CELSR2: variants seen among roughly 807,000 people sequenced by gnomAD.
CELSR2 encodes the protein EGF-like protein 2.
A neutral mutation model predicts 251.6 loss-of-function variants in CELSR2; 81 were observed. That is an observed-to-expected ratio of 0.32 (90% CI 0.27 to 0.39). The LOEUF (loss-of-function observed/expected upper bound fraction) is 0.39. Among genes scored for constraint, CELSR2 ranks in the 10% least tolerant of loss-of-function variants. The pLI, the probability that CELSR2 is intolerant of heterozygous loss-of-function variation, is 1.00. For missense variants in CELSR2, 3,365 were observed against 3,947.7 expected (o/e 0.85, Z 3.96); for synonymous variants, 1,721 against 1,670.5 (o/e 1.03, Z -0.74).
At chr1:109,255,733 C>T (rs1655825441) in intron 1 of CELSR2, among the ~76,000 whole-genome samples, 1 of 152,252 alleles carries the variant, frequency 6.6e-6, no homozygotes, top group South Asian at 2.1e-4. Flanking sequence ...AGGCAACGTA[C>T]TCCCCACCCC....
Position 109,265,793 on chromosome 1 carries a change from C to G in CELSR2, c.5786C>G (p.Thr1929Arg), listed in dbSNP as rs562750635. 1.1e-5 allele frequency: 17 copies of G among 1,614,106 alleles called. No homozygotes were observed. Among genetic ancestry groups the G allele is most frequent in the Middle Eastern group, 1.7e-4 (1 of 6,058 alleles). The change falls in exon 14 of 34, where the codon ACA becomes AGA. Residue 1929 changes from threonine to arginine, a missense_variant. Physicochemically the swap from Thr to Arg is moderately conservative, Grantham distance 71 (BLOSUM62 -1). Transcript: ENST00000271332. Reference protein sequence around the residue: ...PTCLLCDCYPTGSLSRVCDPE... With the variant: ...PTCLLCDCYPRGSLSRVCDPE... ...TGCCTCTTGTGTGACTGCTACCCCA[C>G]AGGCTCCTTGTCCAGAGTCTGTGAC...
At position 109,264,595 on chromosome 1, in the gene CELSR2, G is replaced by A. The variant is rs547223441; in HGVS notation, c.5431G>A (p.Asp1811Asn). 1.4e-5 allele frequency: 23 copies of A among 1,613,734 alleles called. No individual in the cohort carries two copies. The highest frequency in any genetic ancestry group is 5.5e-5 in the South Asian group (5 of 91,074). ...TCCTGCTAACAGCTATTGCAGCAAC[G>A]ACTGGGACAGCTATTCCTGCAGCTG... ...PCPANSYCSN[D>N]WDSYSCSCDP... The change falls in exon 11 of 34, where the codon GAC (aspartate) becomes AAC (asparagine). Residue 1811 changes from aspartate (D) to asparagine (N), a missense_variant. Physicochemically the swap from Asp to Asn is conservative, Grantham distance 23. Coordinates refer to ENST00000271332, the MANE Select transcript of CELSR2 (RefSeq NM_001408.3).
intron 1 of CELSR2, among the ~76,000 whole-genome samples, chr1:109,256,047 T>C (rs547853752): frequency 2.0e-4 from 31 of 152,234 alleles, no homozygotes; most frequent in Non-Finnish European, 1.0e-4. Context: ...TAATCAGTTA[T>C]GGGCACTGTG....
chr1:109,270,394 G>A (rs375433540), intron 23 of CELSR2, 32 bp from the exon 24 acceptor site: 74 of 1,611,078 alleles, frequency 4.6e-5, no homozygotes, highest in East Asian at 8.9e-5. Context: ...GGCGGGCCCC[G>A]GTCGCTGACC....
At position 109,249,760 on chromosome 1, in the gene CELSR2, C is replaced by G. The variant is rs1557724781; in HGVS notation, c.-320C>G. Among the ~76,000 whole-genome samples the G allele has an allele frequency of 6.7e-6, 1 of 149,470 alleles. No individual in the cohort carries two copies. ...GCACCCCGGCTCCGGAACCCGGGGCCCGGCAAGGCCAGGGGCGCCGCGGGG... is the reference window on the plus strand; with the variant it reads ...GCACCCCGGCTCCGGAACCCGGGGCGCGGCAAGGCCAGGGGCGCCGCGGGG... On this transcript the variant is annotated 5_prime_UTR_variant, in exon 1 of 34. Coordinates refer to ENST00000271332, the MANE Select transcript of CELSR2 (RefSeq NM_001408.3).
At chr1:109,271,358 C>G in intron 26 of CELSR2, 28 bp from the exon 27 acceptor site, 5 of 1,613,402 alleles carry the variant, frequency 3.1e-6, no homozygotes, top group Non-Finnish European at 4.2e-6. Flanking sequence ...GTCTCATGGC[C>G]GGACTCATGG....
At chr1:109,271,140 G>C in intron 25 of CELSR2, 77 bp from the exon 26 acceptor site, 1 of 1,544,914 alleles carries the variant, frequency 6.5e-7, no homozygotes, top group East Asian at 2.2e-5. Context: ...AGGAACAGCT[G>C]AGGCCACGGG....
chr1:109,257,972 C>T (rs543801972), intron 1 of CELSR2, among the ~76,000 whole-genome samples: 6 of 152,176 alleles, frequency 3.9e-5, no homozygotes, highest in South Asian at 2.1e-4. Flanking sequence ...CCCCCACCCC[C>T]GCCAACTCCC....
Position 109,269,654 on chromosome 1 carries a change from T to C in CELSR2, c.6981-40T>C. 6.2e-7 allele frequency: 1 copy of C among 1,613,790 alleles called. No homozygotes were observed. ...CTGAAAGTCCAGGCCCCTGCATGCC[T>C]CACCCTCCTTGTCTCCCTGACCCTG... On this transcript the variant is annotated intron_variant, in intron 21 of 33. Coordinates refer to ENST00000271332, the MANE Select transcript of CELSR2 (RefSeq NM_001408.3). The surrounding 1 kb of genome is among the most constrained non-coding windows in gnomAD (Gnocchi z 6.4).
chr1:109,250,023 G>A lies in CELSR2; in HGVS notation c.-57G>A. The A allele has an allele frequency of 4.7e-6, 6 of 1,274,592 alleles. No individual in the cohort carries two copies. Among genetic ancestry groups the A allele is most frequent in the Non-Finnish European group, 5.9e-6 (6 of 1,017,006 alleles). 79.0% of individuals were successfully genotyped at this position (1,274,592 alleles called of 1,614,324 possible). Reference sequence around the variant, plus strand: ...ATGAGGCGCGGCGGGGCCGGCAGGAGCCGGAGGAGGAGCCGCCGCCGCCGT... The same window carrying A: ...ATGAGGCGCGGCGGGGCCGGCAGGAACCGGAGGAGGAGCCGCCGCCGCCGT... On this transcript the variant is annotated 5_prime_UTR_variant, in exon 1 of 34. Transcript: ENST00000271332. This position sits in a 1 kb window ranked among gnomAD's most constrained non-coding sequence, Gnocchi z 4.4.
intron 5 of CELSR2, 38 bp from the exon 6 acceptor site, chr1:109,262,249 A>G: frequency 6.2e-7 from 1 of 1,607,238 alleles, no homozygotes; most frequent in Non-Finnish European, 8.5e-7. Context: ...TGGGCTCTGT[A>G]CTCAGTGTCC....
In CELSR2 at chr1:109,261,685, C is replaced by A; in HGVS notation, c.4297+57C>A. On this transcript the variant is annotated intron_variant, in intron 4 of 33. Coordinates refer to ENST00000271332, the MANE Select transcript of CELSR2 (RefSeq NM_001408.3). The surrounding 1 kb of genome is among the most constrained non-coding windows in gnomAD (Gnocchi z 4.8). ...CTTCCAAAGGCCCCAAGTCTTCCAG[C>A]CCCTGACCCCAAGCCACATACTCTA... The A allele has an allele frequency of 6.4e-7, 1 of 1,565,430 alleles. No individual in the cohort carries two copies. Among genetic ancestry groups the A allele is most frequent in the Non-Finnish European group, 8.8e-7 (1 of 1,136,744 alleles).
In CELSR2 at chr1:109,270,806, G is replaced by A. The variant is rs967632684; in HGVS notation, c.7484-121G>A. On this transcript the variant is annotated intron_variant, in intron 24 of 33. Transcript: ENST00000271332. Reference sequence around the variant, plus strand: ...TATCCTGGGGAGATCGGTAGGGGCCGATGGTGGGCAGAACCCTTTTCCATG... The same window carrying A: ...TATCCTGGGGAGATCGGTAGGGGCCAATGGTGGGCAGAACCCTTTTCCATG... 112 of 984,932 alleles carry A rather than the reference G, an allele frequency of 1.1e-4. 1 individual carries two copies. Among genetic ancestry groups the A allele is most frequent in the Non-Finnish European group, 2.3e-5 (15 of 651,652 alleles). 61.0% of individuals were successfully genotyped at this position (984,932 alleles called of 1,614,324 possible).
intron 32 of CELSR2, 31 bp from the exon 33 acceptor site, chr1:109,273,405 C>A: frequency 6.2e-7 from 1 of 1,607,360 alleles, no homozygotes; most frequent in East Asian, 2.2e-5. Context: ...TCTCCTGTGG[C>A]CGCACCTCAC....
intron 15 of CELSR2, 147 bp from the exon 16 acceptor site, chr1:109,267,401 C>CAGGAAGA: frequency 1.5e-6 from 1 of 661,784 alleles, no homozygotes; most frequent in Non-Finnish European, 2.5e-6. Flanking sequence ...GTTCTACATA[C>CAGGAAGA]CTGTCTTCCT....
rs756853610 is a variant in CELSR2 at position 109,262,826 on chromosome 1, C to G, written c.4565C>G (p.Pro1522Arg). Reference sequence around the variant, plus strand: ...CCCAGGTCTCTGGATCTGACGGGGCCCCTGCTACTAGGCGGGGTGCCTGAC... The same window carrying G: ...CCCAGGTCTCTGGATCTGACGGGGCGCCTGCTACTAGGCGGGGTGCCTGAC... The part of the protein sequence containing the change: ...GSKKSLDLTG[P>R]LLLGGVPDLP... The change falls in exon 7 of 34, where the codon CCC (proline) becomes CGC (arginine). Residue 1522 changes from proline (P) to arginine (R), a missense_variant. This residue lies in a region of CELSR2 where 2,093 missense variants were observed against 2,382.8 expected (regional missense o/e 0.88). Transcript: ENST00000271332. 6.2e-7 allele frequency: 1 copy of G among 1,613,276 alleles called. No homozygotes were observed. Among genetic ancestry groups the G allele is most frequent in the Non-Finnish European group, 8.5e-7 (1 of 1,179,778 alleles).
rs933488412 is a variant in CELSR2, at chr1:109,274,227, C to T, written c.*178C>T. The T allele has an allele frequency of 1.4e-6, 2 of 1,452,732 alleles. No individual in the cohort carries two copies. Among genetic ancestry groups the T allele is most frequent in the African/African-American group, 2.8e-5 (2 of 70,264 alleles). The allele number at this position is 1,452,732 out of a possible 1,614,324, so 90.0% of individuals were successfully genotyped here. ...GAGGGGTACTCACCCCACCTAAGGC[C>T]ATCTAGTGCCAACTCCCCCCCCACC... On this transcript the variant is annotated 3_prime_UTR_variant, in exon 34 of 34. Coordinates refer to ENST00000271332, the MANE Select transcript of CELSR2 (RefSeq NM_001408.3).
chr1:109,250,090 C>A lies in CELSR2; in HGVS notation c.11C>A (p.Pro4Gln), dbSNP rs746737254. The change falls in exon 1 of 34, where the codon CCG (proline) becomes CAG (glutamine). Residue 4 changes from proline (P) to glutamine (Q), a missense_variant. Transcript: ENST00000271332. This position sits in a 1 kb window ranked among gnomAD's most constrained non-coding sequence, Gnocchi z 4.4. The stretch of plus-strand genomic sequence containing the variant: ...CGGGAGCTGGGAGAGATGCGGAGCC[C>A]GGCCACCGGCGTCCCCCTCCCAACG... MRSPATGVPLPTPP... is the reference protein window; with the variant it reads MRSQATGVPLPTPP... 2.0e-6 allele frequency: 3 copies of A among 1,509,804 alleles called. No individual in the cohort carries two copies. The highest frequency in any genetic ancestry group is 2.6e-6 in the Non-Finnish European group (3 of 1,137,090). The allele number at this position is 1,509,804 out of a possible 1,614,324, so 93.5% of individuals were successfully genotyped here.
chr1:109,260,916 TG>T, intron 2 of CELSR2, 125 bp from the exon 3 acceptor site: 1 of 666,244 alleles, frequency 1.5e-6, no homozygotes, highest in Non-Finnish European at 2.6e-6. Flanking sequence ...TGGGGATGCC[TG>T]GGAGGTTTGG....
Sources: gnomAD v4.1 joint callset for allele counts (sites outside exome capture counted in the v4.1 genomes callset) on GRCh38, gnomAD v4.1.1 for gene constraint, gnomAD v4.1.1 regional missense constraint, Gnocchi (gnomAD v3.1) non-coding constraint, MANE v1.5 for transcripts, NCBI Gene and HGNC (gene_info 2026-07-23, HGNC 2026-07-21) for gene names.